The following MAP3K4 variants were observed in gnomAD, a reference collection of about 807,000 sequenced individuals.
The protein encoded by MAP3K4 is mitogen-activated protein kinase kinase kinase 4.
MAP3K4 carries 67 observed loss-of-function variants against 185.6 expected under a neutral mutation model. The ratio of observed to expected loss-of-function variants is 0.36; its 90% CI spans 0.30 to 0.44. The LOEUF (loss-of-function observed/expected upper bound fraction) is 0.44. Ranked by LOEUF, MAP3K4 falls within the 20% of genes least tolerant of loss-of-function variation. MAP3K4 has a pLI of 1.00. For synonymous variants in MAP3K4, 702 were observed against 710.4 expected (o/e 0.99, Z 0.19); for missense variants, 1,551 against 1,995.1 (o/e 0.78, Z 4.24).
Position 161,115,952 on chromosome 6 carries a change from G to T in MAP3K4, c.4806+650G>T, listed in dbSNP as rs1482439885. On this transcript the variant is annotated intron_variant, in intron 26 of 26. Coordinates refer to ENST00000392142, the MANE Select transcript of MAP3K4 (RefSeq NM_005922.4). This position sits in a 1 kb window ranked among gnomAD's most constrained non-coding sequence, Gnocchi z 6.0. Reference sequence around the variant, plus strand: ...TTTCCATTTTATTATAAACATAAATGATGACATAGAGTTTTAGAAAGATCA... The same window carrying T: ...TTTCCATTTTATTATAAACATAAATTATGACATAGAGTTTTAGAAAGATCA... Among the ~76,000 whole-genome samples, 1 of 152,160 alleles carries T rather than the reference G, an allele frequency of 6.6e-6. No individual in the cohort carries two copies. Among genetic ancestry groups the T allele is most frequent in the Admixed American group, 6.5e-5 (1 of 15,280 alleles).
rs1309971610 is a variant in MAP3K4 at position 161,017,901 on chromosome 6, G to T, written c.153-16358G>T. On this transcript the variant is annotated intron_variant, in intron 1 of 26. Transcript: ENST00000392142. The surrounding 1 kb of genome is among the most constrained non-coding windows in gnomAD (Gnocchi z 5.1). Reference sequence around the variant, plus strand: ...TATAACCCTAAAAATACACAGAACAGTTTTTTTAGATTAAAAAATATAAAT... The same window carrying T: ...TATAACCCTAAAAATACACAGAACATTTTTTTTAGATTAAAAAATATAAAT... Among the ~76,000 whole-genome samples the T allele has an allele frequency of 6.6e-6, 1 of 152,100 alleles. No homozygotes were observed. Among genetic ancestry groups the T allele is most frequent in the Non-Finnish European group, 1.5e-5 (1 of 68,020 alleles).
Position 161,071,531 on chromosome 6 carries a change from G to C in MAP3K4, c.1950+681G>C, listed in dbSNP as rs1440333741. ...GTACGTGTCTATCCCATAGGGATTGGAGGGCTAAGAGCTACCCGGCTCTGT... is the reference window on the plus strand; with the variant it reads ...GTACGTGTCTATCCCATAGGGATTGCAGGGCTAAGAGCTACCCGGCTCTGT... On this transcript the variant is annotated intron_variant, in intron 4 of 26. Coordinates refer to ENST00000392142, the MANE Select transcript of MAP3K4 (RefSeq NM_005922.4). The surrounding 1 kb of genome is among the most constrained non-coding windows in gnomAD (Gnocchi z 4.6). Among the ~76,000 whole-genome samples the C allele has an allele frequency of 2.0e-5, 3 of 152,198 alleles. No individual in the cohort carries two copies. The highest frequency in any genetic ancestry group is 4.4e-5 in the Non-Finnish European group (3 of 68,046).
intron 19 of MAP3K4, among the ~76,000 whole-genome samples, chr6:161,104,433 A>G (rs1171526677): frequency 2.7e-5 from 4 of 146,810 alleles, no homozygotes; most frequent in Admixed American, 2.0e-4. Flanking sequence ...AAAAAAAAAA[A>G]GCAGGCACAG....
intron 1 of MAP3K4, among the ~76,000 whole-genome samples, chr6:161,015,704 G>A (rs1782068096): frequency 1.3e-5 from 2 of 152,052 alleles, no homozygotes; most frequent in Admixed American, 6.5e-5. Flanking sequence ...GGGGCGGGGG[G>A]AAGGTGCCAG....
In MAP3K4 at chr6:161,092,263, C is replaced by T. The variant is rs188369824; in HGVS notation, c.3269+120C>T. The T allele has an allele frequency of 1.8e-4, 185 of 1,054,496 alleles. No homozygotes were observed. The African/African-American group carries it at 2.8e-3, about 16-fold the overall frequency. 65.3% of individuals were successfully genotyped at this position (1,054,496 alleles called of 1,614,324 possible). A position where few individuals can be genotyped will look rare whatever the true frequency, so the allele number is the denominator to read the frequency against. ...ACAGAAGGGAACACTCTAAACTCTT[C>T]GGTGATCAGGTTTTTTTTAATGGAA... On this transcript the variant is annotated intron_variant, in intron 13 of 26. Coordinates refer to ENST00000392142, the MANE Select transcript of MAP3K4 (RefSeq NM_005922.4).
Position 161,092,932 on chromosome 6 carries a change from C to T in MAP3K4, c.3270-46C>T, listed in dbSNP as rs371376935. 4.5e-6 allele frequency: 5 copies of T among 1,106,844 alleles called. No individual in the cohort carries two copies. In the African/African-American group the frequency reaches 4.6e-5, roughly 10 times the overall value. The allele number at this position is 1,106,844 out of a possible 1,614,324, so 68.6% of individuals were successfully genotyped here. ...ATTGTACAGTCTAAAACTGCTACAG[C>T]GTTTTCTTGGTTGTTATGTGATTAC... On this transcript the variant is annotated intron_variant, in intron 13 of 26. Coordinates refer to ENST00000392142, the MANE Select transcript of MAP3K4 (RefSeq NM_005922.4).
In MAP3K4 at chr6:161,110,697, C is replaced by T. The variant is rs1157982775; in HGVS notation, c.4396+783C>T. 2.0e-5 allele frequency among the ~76,000 whole-genome samples: 3 copies of T among 152,160 alleles called. No individual in the cohort carries two copies. The highest frequency in any genetic ancestry group is 7.2e-5 in the African/African-American group (3 of 41,438). On this transcript the variant is annotated intron_variant, in intron 23 of 26. Coordinates refer to ENST00000392142, the MANE Select transcript of MAP3K4 (RefSeq NM_005922.4). This position sits in a 1 kb window ranked among gnomAD's most constrained non-coding sequence, Gnocchi z 4.8. ...TGTGGGAGGTTATTTTGGATTACAC[C>T]AGTCTGCTTTGGTCTGGGTGTAAGC...
In MAP3K4 at chr6:161,091,388, T is replaced by G. The variant is rs1777300126; in HGVS notation, c.2983T>G (p.Leu995Val). 4.3e-6 allele frequency: 7 copies of G among 1,613,648 alleles called. No individual in the cohort carries two copies. Among genetic ancestry groups the G allele is most frequent in the Non-Finnish European group, 5.9e-6 (7 of 1,179,826 alleles). ...KALQQLKNDA[L>V]ELCNRISNAI... ...GGTTTGGACTCTTCAGAATGATGCA[T>G]TGGAGCTATGCAACAGGATAAGCAA... The change falls in exon 12 of 27, where the codon TTG becomes GTG. Residue 995 changes from leucine to valine, a missense_variant. Coordinates refer to ENST00000392142, the MANE Select transcript of MAP3K4 (RefSeq NM_005922.4). This position sits in a 1 kb window ranked among gnomAD's most constrained non-coding sequence, Gnocchi z 5.5.
rs922289979 is a variant in MAP3K4, at chr6:161,108,286, T to G, written c.4119+317T>G. On this transcript the variant is annotated intron_variant, in intron 21 of 26. Transcript: ENST00000392142. This position sits in a 1 kb window ranked among gnomAD's most constrained non-coding sequence, Gnocchi z 5.7. ...AACAGTAGTGTCTTATGGGGACACATTGGGGGAGAAGATAACATTTATGAT... is the reference window on the plus strand; with the variant it reads ...AACAGTAGTGTCTTATGGGGACACAGTGGGGGAGAAGATAACATTTATGAT... Among the ~76,000 whole-genome samples, 1 of 152,076 alleles carries G rather than the reference T, an allele frequency of 6.6e-6. No homozygotes were observed. The highest frequency in any genetic ancestry group is 1.9e-4 in the East Asian group (1 of 5,190).
intron 6 of MAP3K4, among the ~76,000 whole-genome samples, chr6:161,083,716 C>T (rs147862048): frequency 1.3e-5 from 2 of 152,292 alleles, no homozygotes; most frequent in Admixed American, 6.5e-5. Flanking sequence ...TTTTCTTCCT[C>T]GCAGATTTTC....
At position 161,035,735 on chromosome 6, in the gene MAP3K4, A is replaced by G. The variant is rs61549711; in HGVS notation, c.343+1286A>G. On this transcript the variant is annotated intron_variant, in intron 2 of 26. Coordinates refer to ENST00000392142, the MANE Select transcript of MAP3K4 (RefSeq NM_005922.4). ...ACTATAGAAGTTTCTTATCTATGGT[A>G]GGAATCAGTGAAGTAGCATCTACTG... 8.1e-3 allele frequency among the ~76,000 whole-genome samples: 1,232 copies of G among 152,348 alleles called. 13 individuals are homozygous for G. The highest frequency in any genetic ancestry group is 0.028 in the African/African-American group (1,181 of 41,588).
Position 161,116,950 on chromosome 6 carries a change from C to A in MAP3K4, c.*80C>A. On this transcript the variant is annotated 3_prime_UTR_variant, in exon 27 of 27. Transcript: ENST00000392142. This position sits in a 1 kb window ranked among gnomAD's most constrained non-coding sequence, Gnocchi z 6.2. ...TTTACATAAAGACTGTGCTGAGAAG[C>A]AGTATAAGCCTTTTTAACCTTCCAA... 2 of 1,342,592 alleles carry A rather than the reference C, an allele frequency of 1.5e-6. No individual in the cohort carries two copies. Among genetic ancestry groups the A allele is most frequent in the Non-Finnish European group, 2.1e-6 (2 of 937,854 alleles). The allele number at this position is 1,342,592 out of a possible 1,614,324, so 83.2% of individuals were successfully genotyped here. A position where few individuals can be genotyped will look rare whatever the true frequency, so the allele number is the denominator to read the frequency against.
At chr6:161,023,661 C>A (rs1300297303) in intron 1 of MAP3K4, among the ~76,000 whole-genome samples, 2 of 152,200 alleles carry the variant, frequency 1.3e-5, no homozygotes, top group Non-Finnish European at 2.9e-5. Context: ...GTGGAAGATA[C>A]TGAAATCTGT....
Position 161,001,269 on chromosome 6 carries a change from G to A in MAP3K4, c.152+9186G>A, listed in dbSNP as rs540612534. On this transcript the variant is annotated intron_variant, in intron 1 of 26. Coordinates refer to ENST00000392142, the MANE Select transcript of MAP3K4 (RefSeq NM_005922.4). ...AGTTATTAATTATAGGTGGAATCAT[G>A]TATGTCTCAAGCTATGTGTTATAAA... Among the ~76,000 whole-genome samples the A allele has an allele frequency of 1.9e-4, 29 of 151,714 alleles. No homozygotes were observed. In the South Asian group the frequency reaches 6.0e-3, roughly 32 times the overall value.
chr6:161,028,157 G>A (rs896228820), intron 1 of MAP3K4, among the ~76,000 whole-genome samples: 1 of 152,122 alleles, frequency 6.6e-6, no homozygotes, highest in Non-Finnish European at 1.5e-5. Flanking sequence ...TGAGGAGGCC[G>A]GTTTCATCAG....
intron 1 of MAP3K4, among the ~76,000 whole-genome samples, chr6:161,023,663 GA>G (rs1409328789): frequency 3.3e-5 from 5 of 152,208 alleles, no homozygotes; most frequent in Admixed American, 2.6e-4. Context: ...GGAAGATACT[GA>G]AATCTGTATT....
rs769416947 is a variant in MAP3K4 at position 161,048,661 on chromosome 6, A to G, written c.389A>G (p.Lys130Arg). 6 of 1,613,046 alleles carry G rather than the reference A, an allele frequency of 3.7e-6. No homozygotes were observed. Among genetic ancestry groups the G allele is most frequent in the Non-Finnish European group, 3.4e-6 (4 of 1,179,648 alleles). ...PNQPPHKDTG[K>R]TVENVEEYSY... ...CAGCCTCCACATAAAGACACTGGAA[A>G]AACAGTGGAGAATGTGGAAGAATAC... The change falls in exon 3 of 27, where the codon AAA (lysine) becomes AGA (arginine). Residue 130 changes from lysine (K) to arginine (R), a missense_variant. Physicochemically the swap from Lys to Arg is conservative, Grantham distance 26. This residue lies in a region of MAP3K4 where 287 missense variants were observed against 268.8 expected (regional missense o/e 1.07). Transcript: ENST00000392142. This position sits in a 1 kb window ranked among gnomAD's most constrained non-coding sequence, Gnocchi z 4.7.
Position 161,109,784 on chromosome 6 carries a change from C to T in MAP3K4, c.4266C>T (p.Cys1422=), listed in dbSNP as rs529674608. Residue 1422 remains cysteine (C), a synonymous_variant, in exon 23 of 27, where the codon TGC becomes TGT. Transcript: ENST00000392142. This position sits in a 1 kb window ranked among gnomAD's most constrained non-coding sequence, Gnocchi z 5.7. ...AAATGTACATCTTCATGGAGTACTG[C>T]GATGAGGGGACTTTAGAAGAGGTGT... The part of the protein sequence containing the change: ...REEMYIFMEY[C]DEGTLEEVSR... 5.8e-5 allele frequency: 94 copies of T among 1,614,110 alleles called. No homozygotes were observed. The highest frequency in any genetic ancestry group is 2.8e-4 in the Admixed American group (17 of 60,020).
chr6:161,020,170 C>T (rs1037000138), intron 1 of MAP3K4, among the ~76,000 whole-genome samples: 4 of 152,306 alleles, frequency 2.6e-5, no homozygotes, highest in South Asian at 2.1e-4. Context: ...AAAAGAGAAA[C>T]TTGCTAAATG....
Sources: gnomAD v4.1 joint callset for allele counts (sites outside exome capture counted in the v4.1 genomes callset) on GRCh38, gnomAD v4.1.1 for gene constraint, gnomAD v4.1.1 regional missense constraint, Gnocchi (gnomAD v3.1) non-coding constraint, MANE v1.5 for transcripts, NCBI Gene and HGNC (gene_info 2026-07-23, HGNC 2026-07-21) for gene names.